The following ATM variants were observed in gnomAD, a reference collection of about 807,000 sequenced individuals.
The protein encoded by ATM is ATM serine/threonine kinase.
In ATM, 308 loss-of-function variants were observed where a neutral mutation model predicts 387.0. That is an observed-to-expected ratio of 0.80 (90% CI 0.73 to 0.87). The LOEUF is 0.87. Among genes scored for constraint, ATM ranks in the 40% least tolerant of loss-of-function variants. ATM has a pLI of 0.00. For missense variants in ATM, 3,312 were observed against 3,560.9 expected, an observed-to-expected ratio of 0.93 and a Z score of 1.78; for synonymous variants, 1,156 against 1,187.3, an observed-to-expected ratio of 0.97 and a Z score of 0.54.
chr11:108,335,470 C>G (rs2086737863), intron 55 of ATM, among the ~76,000 whole-genome samples: 1 of 152,114 alleles, frequency 6.6e-6, no homozygotes, highest in South Asian at 2.1e-4. Context: ...CGTACTGTGC[C>G]AAGTGCTATT....
At chr11:108,319,037 C>T (rs1361158317) in intron 43 of ATM, among the ~76,000 whole-genome samples, 1 of 151,816 alleles carries the variant, frequency 6.6e-6, no homozygotes, top group African/African-American at 2.4e-5. Flanking sequence ...GTTAGCTGGG[C>T]AAGGTAGCAT....
In ATM at chr11:108,227,885, T is replaced by C. The variant is rs786203063; in HGVS notation, c.182T>C (p.Phe61Ser). The change falls in exon 3 of 63, where the codon TTT becomes TCT. Residue 61 changes from phenylalanine to serine, a missense_variant. This residue lies in a region of ATM where 1,791 missense variants were observed against 1,804.5 expected (regional missense o/e 0.99). Transcript: ENST00000675843. ...AAATATTTGAATTGGGATGCTGTTTTTAGGTATTCTATTCAAATTTATTTT... is the reference window on the plus strand; with the variant it reads ...AAATATTTGAATTGGGATGCTGTTTCTAGGTATTCTATTCAAATTTATTTT... ...QGKYLNWDAV[F>S]RFLQKYIQKE... 1.2e-6 allele frequency: 2 copies of C among 1,606,308 alleles called. No homozygotes were observed. The highest frequency in any genetic ancestry group is 1.7e-6 in the Non-Finnish European group (2 of 1,174,444).
intron 5 of ATM, among the ~76,000 whole-genome samples, chr11:108,239,311 T>C (rs1427710528): frequency 6.6e-6 from 1 of 152,196 alleles, no homozygotes; most frequent in Non-Finnish European, 1.5e-5. Context: ...CCTCCAAAAT[T>C]GAGAGAAATA....
intron 28 of ATM, 72 bp downstream of exon 28, chr11:108,289,175 C>G (rs56163571): frequency 7.0e-7 from 1 of 1,427,088 alleles, no homozygotes; most frequent in Non-Finnish European, 9.5e-7. Flanking sequence ...GTAAATACAT[C>G]TTAAAGAGGA....
rs139490310 is a variant in ATM at position 108,354,746 on chromosome 11, G to A, written c.8787-65G>A. On this transcript the variant is annotated intron_variant, in intron 60 of 62. Coordinates refer to ENST00000675843, the MANE Select transcript of ATM (RefSeq NM_000051.4). Reference sequence around the variant, plus strand: ...AGCATACTACACATGAGAGTATACAGATAAAGATACGTTGACAACATTGGT... The same window carrying A: ...AGCATACTACACATGAGAGTATACAAATAAAGATACGTTGACAACATTGGT... 10,246 of 1,353,726 alleles carry A rather than the reference G, an allele frequency of 7.6e-3. 56 individuals carry two copies. Among genetic ancestry groups the A allele is most frequent in the Non-Finnish European group, 9.5e-3 (8,995 of 942,998 alleles). The allele number at this position is 1,353,726 out of a possible 1,614,324, so 83.9% of individuals were successfully genotyped here. A position where few individuals can be genotyped will look rare whatever the true frequency, so the allele number is the denominator to read the frequency against.
chr11:108,356,405 G>T (rs774849116), intron 61 of ATM, among the ~76,000 whole-genome samples: 1 of 151,790 alleles, frequency 6.6e-6, no homozygotes, highest in Non-Finnish European at 1.5e-5. Flanking sequence ...GCGTGATGGC[G>T]GGCACCTGTA....
At chr11:108,312,524 A>ACC in intron 40 of ATM, 26 bp downstream of exon 40, 1 of 1,477,340 alleles carries the variant, frequency 6.8e-7, no homozygotes, top group Non-Finnish European at 9.5e-7. Context: ...TCTATTATTT[A>ACC]TGACAGTATT....
rs556309145 is a variant in ATM at position 108,311,356 on chromosome 11, T to C, written c.5918+1041T>C. Among the ~76,000 whole-genome samples the C allele has an allele frequency of 1.8e-3, 276 of 152,198 alleles. 2 individuals carry two copies. Among genetic ancestry groups the C allele is most frequent in the African/African-American group, 6.4e-3 (265 of 41,538 alleles). On this transcript the variant is annotated intron_variant, in intron 39 of 62. Coordinates refer to ENST00000675843, the MANE Select transcript of ATM (RefSeq NM_000051.4). Reference sequence around the variant, plus strand: ...GGAAGTGGATCGGTAGGAAGCCTTATATTTGAAGAAGGGTGCCAAAGTATA... The same window carrying C: ...GGAAGTGGATCGGTAGGAAGCCTTACATTTGAAGAAGGGTGCCAAAGTATA...
rs373881770 is a variant in ATM, at chr11:108,271,228, CTTTTT to C, written c.2922-12_2922-8del. ...GTTCTGTTAAGCTTATAAAGTTGAA[CTTTTT>C]TTTTTTTTTTACCACAGCAATGTGT... On this transcript the variant is annotated intron_variant, in intron 19 of 62. Transcript: ENST00000675843. 7 of 1,565,018 alleles carry C rather than the reference CTTTTT, an allele frequency of 4.5e-6. No homozygotes were observed. In the Admixed American group the frequency reaches 1.0e-4, roughly 23 times the overall value.
At chr11:108,332,986 A>G in intron 53 of ATM, 86 bp downstream of exon 53, 1 of 1,493,084 alleles carries the variant, frequency 6.7e-7, no homozygotes, top group Non-Finnish European at 9.1e-7. Flanking sequence ...TAATAAGTAA[A>G]TCTGCTTAAA....
At chr11:108,250,622 G>A (rs907427722) in intron 9 of ATM, 79 bp from the exon 10 acceptor site, 39 of 1,410,576 alleles carry the variant, frequency 2.8e-5, no homozygotes, top group Non-Finnish European at 3.8e-5. Context: ...TATTGTAAGA[G>A]TACCATGTCT....
intron 18 of ATM, among the ~76,000 whole-genome samples, chr11:108,269,305 A>T (rs1478916097): frequency 2.0e-5 from 3 of 152,142 alleles, no homozygotes; most frequent in African/African-American, 7.2e-5. Flanking sequence ...CATATATTTG[A>T]ATAGTACAGG....
Position 108,271,096 on chromosome 11 carries a change from A to G in ATM, c.2871A>G (p.Glu957=), listed in dbSNP as rs863224291. ...TGCTTTTAAAGGAGCTTCCTGGAGA[A>G]GAGTACCCCTTGCCAATGGAAGATG... is the stretch of plus-strand genomic sequence containing the variant. ...YLMLLKELPG[E]EYPLPMEDVL... The change falls in exon 19 of 63, where the codon GAA becomes GAG. Residue 957 remains glutamate, a synonymous_variant. Coordinates refer to ENST00000675843, the MANE Select transcript of ATM (RefSeq NM_000051.4). 1.9e-6 allele frequency: 3 copies of G among 1,614,174 alleles called. No homozygotes were observed. The highest frequency in any genetic ancestry group is 2.5e-6 in the Non-Finnish European group (3 of 1,180,036).
rs2136534902 is a variant in ATM at position 108,332,101 on chromosome 11, T to C, written c.7788+64T>C. On this transcript the variant is annotated intron_variant, in intron 52 of 62. Coordinates refer to ENST00000675843, the MANE Select transcript of ATM (RefSeq NM_000051.4). ...TATTCAGTCTTTCCTAGAATATTTC[T>C]TTTTAAAATCTTGTGTTATTAAGAT... The C allele has an allele frequency of 6.3e-6, 10 of 1,583,628 alleles. No individual in the cohort carries two copies. In the South Asian group the frequency reaches 1.0e-4, roughly 16 times the overall value.
Position 108,267,241 on chromosome 11 carries a change from T to G in ATM, c.2537T>G (p.Leu846Arg). 6.2e-7 allele frequency: 1 copy of G among 1,614,130 alleles called. No individual in the cohort carries two copies. Among genetic ancestry groups the G allele is most frequent in the South Asian group, 1.1e-5 (1 of 91,084 alleles). The part of the protein sequence containing the change: ...ESMEDDTNGN[L>R]MEVEDQSSMN... ...ATGGAAGATGATACTAATGGAAATC[T>G]AATGGAGGTGGAGGATCAGTCATCC... Residue 846 changes from leucine to arginine, a missense_variant, in exon 17 of 63, where the codon CTA (leucine) becomes CGA (arginine). Leu to Arg is a moderately radical substitution (Grantham distance 102). Around this residue, in one of 4 missense-constraint regions of ATM, gnomAD observed 1,791 missense variants for 1,804.5 expected, o/e 0.99. Coordinates refer to ENST00000675843, the MANE Select transcript of ATM (RefSeq NM_000051.4).
rs142355641 is a variant in ATM, at chr11:108,351,876, T to C, written c.8672-1890T>C. ...TAGTCTATATTTTCTAACCTTTTTTTCCTTTTTTCTGACTCACTCCTTGGT... is the reference window on the plus strand; with the variant it reads ...TAGTCTATATTTTCTAACCTTTTTTCCCTTTTTTCTGACTCACTCCTTGGT... On this transcript the variant is annotated intron_variant, in intron 59 of 62. Coordinates refer to ENST00000675843, the MANE Select transcript of ATM (RefSeq NM_000051.4). Among the ~76,000 whole-genome samples, 289 of 152,314 alleles carry C rather than the reference T, an allele frequency of 1.9e-3. 1 individual carries two copies. The highest frequency in any genetic ancestry group is 3.1e-3 in the Non-Finnish European group (214 of 68,026).
intron 15 of ATM, 49 bp downstream of exon 15, chr11:108,257,655 T>A (rs1485293939): frequency 1.9e-6 from 3 of 1,573,872 alleles, no homozygotes; most frequent in Middle Eastern, 2.1e-4. Flanking sequence ...GATCTTTCTC[T>A]GTCACCCAGG....
chr11:108,229,061 A>G (rs2078876639), intron 3 of ATM, 117 bp from the exon 4 acceptor site: 1 of 977,556 alleles, frequency 1.0e-6, no homozygotes, highest in Non-Finnish European at 1.5e-6. Context: ...CAGCTGATGT[A>G]GTAATCTAAG....
intron 33 of ATM, chr11:108,299,367 G>T: frequency 1.7e-5 from 4 of 236,634 alleles, no homozygotes; most frequent in Admixed American, 5.1e-5. Flanking sequence ...GTGCCATCTT[G>T]GCTCACTGCA....
Sources: allele counts gnomAD v4.1 joint callset (sites outside exome capture counted in the v4.1 genomes callset), GRCh38; gene constraint gnomAD v4.1.1; regional missense constraint gnomAD v4.1.1; transcripts MANE v1.5; gene names NCBI Gene and HGNC (gene_info 2026-07-23, HGNC 2026-07-21).